Variants in CEP112 observed in about 807,000 individuals in gnomAD.
CEP112 encodes the protein centrosomal protein 112, also known as centrosomal protein of 112 kDa.
Under a neutral mutation model 153.0 loss-of-function variants are expected in CEP112, and 127 were observed. That is an observed-to-expected ratio of 0.83 (90% CI 0.72 to 0.96). CEP112 has a LOEUF of 0.96. Ranked by LOEUF, CEP112 falls within the 40% of genes least tolerant of loss-of-function variation. The pLI is 0.00. For synonymous variants in CEP112, 358 were observed against 374.4 expected (o/e 0.96, Z 0.51); for missense variants, 1,089 against 1,101.2 (o/e 0.99, Z 0.16).
intron 12 of CEP112, among the ~76,000 whole-genome samples, chr17:66,034,404 CT>C (rs1165787165): frequency 6.6e-6 from 1 of 152,060 alleles, no homozygotes; most frequent in Non-Finnish European, 1.5e-5. Context: ...AAATCTATTT[CT>C]TTTTTTCCTT....
Position 66,183,263 on chromosome 17 carries a change from G to T in CEP112, c.37C>A (p.Leu13Met), listed in dbSNP as rs759280246. 6 of 1,612,426 alleles carry T rather than the reference G, an allele frequency of 3.7e-6. No individual in the cohort carries two copies. The highest frequency in any genetic ancestry group is 5.1e-6 in the Non-Finnish European group (6 of 1,179,304). ...VGSEEEKWEK[L>M]DAEFDHFVVD... ...ACAAAGTGATCAAATTCTGCATCCA[G>T]CTTCTCCCATTTTTCTTCTTCACTT... The change falls in exon 2 of 27, where the codon CTG (leucine) becomes ATG (methionine). Residue 13 changes from leucine to methionine, a missense_variant. Leu to Met is a conservative substitution (Grantham distance 15). Coordinates refer to ENST00000535342, the MANE Select transcript of CEP112 (RefSeq NM_001199165.4).
chr17:65,831,340 G>A (rs1401313343), intron 21 of CEP112, among the ~76,000 whole-genome samples: 3 of 152,094 alleles, frequency 2.0e-5, no homozygotes, highest in African/African-American at 4.8e-5. Flanking sequence ...GGTGGATCAC[G>A]AGGTCAGGAC....
chr17:66,134,727 G>C (rs972103551), intron 4 of CEP112, among the ~76,000 whole-genome samples: 3 of 152,140 alleles, frequency 2.0e-5, no homozygotes, highest in Non-Finnish European at 4.4e-5. Flanking sequence ...GCTGAGGTAG[G>C]AGGATCACTT....
At chr17:65,931,287 G>A (rs2061114658) in intron 18 of CEP112, among the ~76,000 whole-genome samples, 1 of 152,158 alleles carries the variant, frequency 6.6e-6, no homozygotes, top group Non-Finnish European at 1.5e-5. Flanking sequence ...CAGAACATAG[G>A]AGTGAGGCTG....
In CEP112 at chr17:65,743,178, C is replaced by T. The variant is rs761491281; in HGVS notation, c.2497G>A (p.Glu833Lys). ...ELQTTISSLK[E>K]ENSQQQLAAE... is the part of the protein sequence containing the mutation. ...GCAAGCTGCTGCTGGCTGTTCTCTT[C>T]TTTCAGAGAGGAAATGGTTGTCTGA... Residue 833 changes from glutamate to lysine, a missense_variant, in exon 23 of 27, where the codon GAA (glutamate) becomes AAA (lysine). Physicochemically the swap from Glu to Lys is moderately conservative, Grantham distance 56. Coordinates refer to ENST00000535342, the MANE Select transcript of CEP112 (RefSeq NM_001199165.4). The T allele has an allele frequency of 6.2e-7, 1 of 1,612,470 alleles. No individual in the cohort carries two copies. Among genetic ancestry groups the T allele is most frequent in the South Asian group, 1.1e-5 (1 of 90,694 alleles).
intron 12 of CEP112, among the ~76,000 whole-genome samples, chr17:66,048,434 T>C (rs1040318150): frequency 2.0e-5 from 3 of 152,116 alleles, no homozygotes; most frequent in Non-Finnish European, 2.9e-5. Flanking sequence ...GTTATCCACA[T>C]AGAAAAAAAC....
At chr17:65,805,585 C>A (rs2145859996) in intron 21 of CEP112, among the ~76,000 whole-genome samples, 1 of 152,230 alleles carries the variant, frequency 6.6e-6, no homozygotes, top group South Asian at 2.1e-4. Context: ...AGAAAAATAT[C>A]CTTCAAAATG....
chr17:65,792,857 C>T (rs1157126268), intron 21 of CEP112, among the ~76,000 whole-genome samples: 1 of 152,132 alleles, frequency 6.6e-6, no homozygotes, highest in Non-Finnish European at 1.5e-5. Context: ...AAAAATATTT[C>T]ATGGAGGAAA....
intron 25 of CEP112, among the ~76,000 whole-genome samples, chr17:65,637,732 A>G (rs993437042): frequency 2.0e-5 from 3 of 152,130 alleles, no homozygotes; most frequent in African/African-American, 7.2e-5. Context: ...TTGTTTTCAT[A>G]TCTCTTCCCT....
At chr17:65,776,919 A>G (rs2053712153) in intron 21 of CEP112, among the ~76,000 whole-genome samples, 1 of 152,172 alleles carries the variant, frequency 6.6e-6, no homozygotes, top group South Asian at 2.1e-4. Flanking sequence ...ATGTAATAAG[A>G]ATAGTTTCTT....
At chr17:65,859,024 A>C (rs2058214986) in intron 20 of CEP112, among the ~76,000 whole-genome samples, 2 of 152,230 alleles carry the variant, frequency 1.3e-5, no homozygotes, top group Non-Finnish European at 2.9e-5. Flanking sequence ...CTAATTCCAG[A>C]GATCAATTCA....
intron 19 of CEP112, among the ~76,000 whole-genome samples, chr17:65,916,247 A>G (rs1002633344): frequency 9.3e-6 from 1 of 107,620 alleles, no homozygotes. Flanking sequence ...TGTTTTGAAA[A>G]AGAGTGTGTG....
chr17:65,889,909 A>G (rs1022420812), intron 20 of CEP112, among the ~76,000 whole-genome samples: 1 of 151,970 alleles, frequency 6.6e-6, no homozygotes, highest in Non-Finnish European at 1.5e-5. Context: ...ACTGCCTGCT[A>G]ATTCTTCATC....
rs1053098740 is a variant in CEP112, at chr17:66,173,729, C to T, written c.470+1315G>A. On this transcript the variant is annotated intron_variant, in intron 4 of 26. Coordinates refer to ENST00000535342, the MANE Select transcript of CEP112 (RefSeq NM_001199165.4). ...AGGCTACAAAAATTCTACAATTACA[C>T]CTCTTCTAATTGTAATTCTCCTATG... Among the ~76,000 whole-genome samples the T allele has an allele frequency of 5.9e-5, 9 of 152,282 alleles. No homozygotes were observed. The South Asian group carries it at 1.9e-3, about 32-fold the overall frequency.
intron 21 of CEP112, among the ~76,000 whole-genome samples, chr17:65,765,402 T>G (rs1033146686): frequency 1.3e-5 from 2 of 152,116 alleles, no homozygotes; most frequent in Non-Finnish European, 2.9e-5. Context: ...GTAGGCTCTG[T>G]TAAGTGCAAC....
chr17:66,147,480 C>T (rs1568546424), intron 4 of CEP112, among the ~76,000 whole-genome samples: 1 of 151,958 alleles, frequency 6.6e-6, no homozygotes, highest in East Asian at 1.9e-4. Flanking sequence ...CTTTGATGTA[C>T]AGTTTTTAAT....
At chr17:65,866,348 T>C (rs891953904) in intron 20 of CEP112, among the ~76,000 whole-genome samples, 1 of 152,152 alleles carries the variant, frequency 6.6e-6, no homozygotes, top group African/African-American at 2.4e-5. Flanking sequence ...CCAACGGGCA[T>C]GGGAGGGAGG....
intron 24 of CEP112, among the ~76,000 whole-genome samples, chr17:65,647,387 G>A (rs9893010): frequency 0.41 from 62,207 of 150,780 alleles, 13,351 homozygotes; most frequent in Middle Eastern, 0.56. Flanking sequence ...TGGTCAGTCT[G>A]GTCTCGAACT....
intron 24 of CEP112, among the ~76,000 whole-genome samples, chr17:65,676,888 T>C (rs532335563): frequency 6.6e-5 from 10 of 152,172 alleles, no homozygotes; most frequent in African/African-American, 1.4e-4. Flanking sequence ...AGCTGAAGAG[T>C]AGAAAAATAA....
Sources: gnomAD v4.1 joint callset for allele counts (sites outside exome capture counted in the v4.1 genomes callset) on GRCh38, gnomAD v4.1.1 for gene constraint, MANE v1.5 for transcripts, NCBI Gene and HGNC (gene_info 2026-07-23, HGNC 2026-07-21) for gene names.